TOM1: variants seen among roughly 807,000 people sequenced by gnomAD.
The protein encoded by TOM1 is target of myb1 membrane trafficking protein.
TOM1 carries 38 observed loss-of-function variants against 61.3 expected under a neutral mutation model. The ratio of observed to expected loss-of-function variants is 0.62; its 90% CI spans 0.48 to 0.81. The LOEUF (loss-of-function observed/expected upper bound fraction) is 0.81, where lower values mean the gene tolerates loss of function less well. TOM1 is among the 40% of genes least tolerant of loss of function. The probability of loss-of-function intolerance (pLI) is 0.00; values close to 1 mark genes in which losing one functional copy is unlikely to be tolerated. For synonymous variants in TOM1, 270 were observed against 268.8 expected, an observed-to-expected ratio of 1.00 and a Z score of -0.04; for missense variants, 591 against 659.6, an observed-to-expected ratio of 0.90 and a Z score of 1.14.
intron 2 of TOM1, chr22:35,318,266 T>C: frequency 2.1e-6 from 1 of 466,542 alleles, no homozygotes; most frequent in South Asian, 3.2e-5. Context: ...TGAGGCAAGC[T>C]GGAGACTCTT....
At chr22:35,338,835 G>A (rs1257515266) in intron 12 of TOM1, 47 bp downstream of exon 12, 2 of 1,502,230 alleles carry the variant, frequency 1.3e-6, no homozygotes, top group Non-Finnish European at 1.8e-6. Flanking sequence ...CCTGAAGGAG[G>A]TGAGGGAATG....
At chr22:35,300,103 T>C in intron 1 of TOM1, 123 bp downstream of exon 1, 1 of 1,094,000 alleles carries the variant, frequency 9.1e-7, no homozygotes, top group Non-Finnish European at 1.3e-6. Context: ...CGTGTAGCTC[T>C]CCGACCTGGC....
intron 1 of TOM1, among the ~76,000 whole-genome samples, chr22:35,303,767 G>A (rs1303475041): frequency 2.0e-5 from 3 of 152,008 alleles, no homozygotes; most frequent in African/African-American, 7.3e-5. Flanking sequence ...CAAAGTGCTG[G>A]GATTGCAGGT....
At position 35,323,570 on chromosome 22, in the gene TOM1, A is replaced by G; in HGVS notation, c.441A>G (p.Lys147=). The part of the protein sequence containing the change: ...VVTIYEDLRR[K]GLEFPMTDLD... ...CCATCTATGAGGACCTGCGGAGGAA[A>G]GGCCTGGAGTTCCCCATGACTGACC... Residue 147 remains lysine, a synonymous_variant, in exon 5 of 15, where the codon AAA becomes AAG. Coordinates refer to ENST00000449058, the MANE Select transcript of TOM1 (RefSeq NM_005488.3). This position sits in a 1 kb window ranked among gnomAD's most constrained non-coding sequence, Gnocchi z 4.2. The G allele has an allele frequency of 6.2e-7, 1 of 1,614,076 alleles. No individual in the cohort carries two copies. Among genetic ancestry groups the G allele is most frequent in the Non-Finnish European group, 8.5e-7 (1 of 1,180,022 alleles).
chr22:35,319,642 C>T (rs1171947558), intron 2 of TOM1, among the ~76,000 whole-genome samples: 1 of 152,170 alleles, frequency 6.6e-6, no homozygotes, highest in African/African-American at 2.4e-5. Flanking sequence ...CGGAACATGC[C>T]AGGGAATGAT....
intron 12 of TOM1, chr22:35,344,593 A>T (rs2145734137): frequency 6.6e-6 from 1 of 152,308 alleles, no homozygotes; most frequent in South Asian, 2.1e-4. Context: ...TGCTGTTGCC[A>T]CTGCTGCTGG....
chr22:35,299,812 G>GGCCCCCCCC, upstream of TOM1: 2 of 1,233,286 alleles, frequency 1.6e-6, no homozygotes, highest in Admixed American at 2.1e-5. Flanking sequence ...GCTTCGCGGT[G>GGCCCCCCCC]CCACCGCCCC....
At chr22:35,313,540 G>A (rs1232779832) in intron 1 of TOM1, among the ~76,000 whole-genome samples, 1 of 152,162 alleles carries the variant, frequency 6.6e-6, no homozygotes, top group Non-Finnish European at 1.5e-5. Context: ...ACAACATCCT[G>A]TGAGGCAGGC....
chr22:35,329,272 A>C (rs550785843), intron 7 of TOM1, among the ~76,000 whole-genome samples: 1 of 152,126 alleles, frequency 6.6e-6, no homozygotes, highest in Non-Finnish European at 1.5e-5. Flanking sequence ...TTTATTTTTC[A>C]TAAGTTTAAA....
intron 1 of TOM1, among the ~76,000 whole-genome samples, chr22:35,309,036 A>G (rs566493742): frequency 6.8e-6 from 1 of 147,394 alleles, no homozygotes; most frequent in Non-Finnish European, 1.5e-5. Flanking sequence ...TTTCTGGCTG[A>G]AAAAAAAATA....
At chr22:35,337,112 A>G (rs528502491) in intron 11 of TOM1, among the ~76,000 whole-genome samples, 1 of 151,786 alleles carries the variant, frequency 6.6e-6, no homozygotes, top group South Asian at 2.1e-4. Flanking sequence ...AATTTTTTGT[A>G]TTTTTAGTAG....
rs79909268 is a variant in TOM1, at chr22:35,309,558, C to A, written c.53-8319C>A. ...ACCCTGGAGGCTGAGACAGGAGAAT[C>A]GCTTGAACCGGTGAGGCGGAAGTTG... On this transcript the variant is annotated intron_variant, in intron 1 of 14. Transcript: ENST00000449058. 5.3e-3 allele frequency among the ~76,000 whole-genome samples: 803 copies of A among 151,232 alleles called. 10 individuals carry two copies. The highest frequency in any genetic ancestry group is 0.018 in the African/African-American group (744 of 41,240).
intron 12 of TOM1, chr22:35,344,476 G>A (rs1427322059): frequency 1.3e-5 from 2 of 152,318 alleles, no homozygotes; most frequent in African/African-American, 4.8e-5. Context: ...TCTGTGCCCG[G>A]TTCCTGCTCT....
At chr22:35,346,717 G>A (rs949057668) in intron 13 of TOM1, among the ~76,000 whole-genome samples, 5 of 152,114 alleles carry the variant, frequency 3.3e-5, no homozygotes, top group African/African-American at 1.2e-4. Flanking sequence ...GAAAACACAA[G>A]GCTCAGGAAG....
intron 11 of TOM1, among the ~76,000 whole-genome samples, chr22:35,335,173 T>G (rs2145698501): frequency 6.6e-6 from 1 of 152,278 alleles, no homozygotes; most frequent in Non-Finnish European, 1.5e-5. Context: ...CTTCAGCCTT[T>G]TGCCCACTGT....
chr22:35,330,196 A>G lies in TOM1; in HGVS notation c.766-151A>G, dbSNP rs1412356104. The G allele has an allele frequency of 9.9e-5, 67 of 676,828 alleles. No homozygotes were observed. The East Asian group carries it at 2.2e-3, about 22-fold the overall frequency. The allele number at this position is 676,828 out of a possible 1,614,324, so 41.9% of individuals were successfully genotyped here. A position where few individuals can be genotyped will look rare whatever the true frequency, so the allele number is the denominator to read the frequency against. ...CTACTTGGGAGGCTGAGGCAGGAGA[A>G]TGGCATGAACCCAGGACACAGCTTG... On this transcript the variant is annotated intron_variant, in intron 7 of 14. Transcript: ENST00000449058.
intron 3 of TOM1, 94 bp downstream of exon 3, chr22:35,322,131 CT>C: frequency 8.7e-7 from 1 of 1,155,358 alleles, no homozygotes; most frequent in Non-Finnish European, 1.3e-6. Flanking sequence ...CTCCTCTGAG[CT>C]CCTCATTTGA....
Position 35,323,783 on chromosome 22 carries a change from G to C in TOM1, c.517G>C (p.Glu173Gln). The C allele has an allele frequency of 6.2e-7, 1 of 1,610,054 alleles. No homozygotes were observed. The highest frequency in any genetic ancestry group is 2.2e-5 in the East Asian group (1 of 44,814). The change falls in exon 6 of 15, where the codon GAG becomes CAG. Residue 173 changes from glutamate (E) to glutamine (Q), a missense_variant. By Grantham distance (29) the Glu-to-Gln change is conservative. Transcript: ENST00000449058. The surrounding 1 kb of genome is among the most constrained non-coding windows in gnomAD (Gnocchi z 4.2). ...HTPQRTVFNSETQSGQDSVGT... is the reference protein window; with the variant it reads ...HTPQRTVFNSQTQSGQDSVGT... ...CTCCCACTAGACCGTGTTCAACTCA[G>C]AGACACAATCAGGACAGGATTCTGT...
At chr22:35,300,364 T>A (rs147954388) in intron 1 of TOM1, among the ~76,000 whole-genome samples, 11 of 152,208 alleles carry the variant, frequency 7.2e-5, no homozygotes, top group Admixed American at 1.3e-4. Context: ...GGCCAGCTCC[T>A]TCCTGGCTCA....
Sources: gnomAD v4.1 joint callset for allele counts (sites outside exome capture counted in the v4.1 genomes callset) on GRCh38, gnomAD v4.1.1 for gene constraint, Gnocchi (gnomAD v3.1) non-coding constraint, MANE v1.5 for transcripts, NCBI Gene and HGNC (gene_info 2026-07-23, HGNC 2026-07-21) for gene names.